The following COL9A2 variants were observed in gnomAD, a reference collection of about 807,000 sequenced individuals.
COL9A2 encodes the protein collagen type IX alpha 2 chain.
In COL9A2, 66 loss-of-function variants were observed where a neutral mutation model predicts 111.6. The ratio of observed to expected loss-of-function variants is 0.59; its 90% CI spans 0.48 to 0.73. The LOEUF is 0.73. COL9A2 is among the 30% of genes least tolerant of loss of function. The pLI is 0.00. For synonymous variants in COL9A2, 353 were observed against 364.1 expected, an observed-to-expected ratio of 0.97 and a Z score of 0.35; for missense variants, 881 against 954.1, an observed-to-expected ratio of 0.92 and a Z score of 1.01.
At position 40,301,883 on chromosome 1, in the gene COL9A2, C is replaced by T. The variant is rs775570119; in HGVS notation, c.1799G>A (p.Arg600His). ...QIGNTGPKGKRGEKGDPGEVG... is the reference protein window; with the variant it reads ...QIGNTGPKGKHGEKGDPGEVG... ...TTCTCCTGGATCACCCTTCTCTCCA[C>T]GTTTTCCTGTAGACAAAAAAGGAAA... The change falls in exon 31 of 32, where the codon CGT becomes CAT. Residue 600 changes from arginine (R) to histidine (H), a missense_variant. Coordinates refer to ENST00000372748, the MANE Select transcript of COL9A2 (RefSeq NM_001852.4). The T allele has an allele frequency of 2.4e-5, 39 of 1,613,798 alleles. No individual in the cohort carries two copies. Among genetic ancestry groups the T allele is most frequent in the Admixed American group, 1.0e-4 (6 of 59,992 alleles).
intron 20 of COL9A2, 78 bp downstream of exon 20, chr1:40,306,065 G>T: frequency 1.3e-6 from 2 of 1,544,840 alleles, no homozygotes; most frequent in Non-Finnish European, 1.8e-6. Context: ...CTGAGACTTG[G>T]CTGAGGCCTG....
Position 40,315,630 on chromosome 1 carries a change from G to A in COL9A2, c.110C>T (p.Pro37Leu), listed in dbSNP as rs1358227508. 5.1e-6 allele frequency: 8 copies of A among 1,553,932 alleles called. No homozygotes were observed. The East Asian group carries it at 1.9e-4, about 37-fold the overall frequency. The change falls in exon 2 of 32, where the codon CCC becomes CTC. Residue 37 changes from proline (P) to leucine (L), a missense_variant. Coordinates refer to ENST00000372748, the MANE Select transcript of COL9A2 (RefSeq NM_001852.4). ...GPPGERGPPG[P>L]PGPPGVPGSD... is the part of the protein sequence containing the mutation. ...TCCAGGCACTCCCGGCGGTCCCGGG[G>A]GACCCGGGGGGCCCCGCTCTCCCGG...
At chr1:40,304,426 T>C in intron 23 of COL9A2, 35 bp from the exon 24 acceptor site, 5 of 1,613,086 alleles carry the variant, frequency 3.1e-6, no homozygotes, top group Non-Finnish European at 4.2e-6. Flanking sequence ...ATAAATGGAA[T>C]GAGGGGCCTG....
rs1254478382 is a variant in COL9A2, at chr1:40,310,084, G to A, written c.792+27C>T. 1 of 1,613,896 alleles carries A rather than the reference G, an allele frequency of 6.2e-7. No individual in the cohort carries two copies. The highest frequency in any genetic ancestry group is 1.7e-5 in the Admixed American group (1 of 60,018). On this transcript the variant is annotated intron_variant, in intron 15 of 31. Transcript: ENST00000372748. The surrounding 1 kb of genome is among the most constrained non-coding windows in gnomAD (Gnocchi z 4.9). ...TGTAGCTGTAGGAGCTCCAGCCTCAGGGGTAGGGGAGCAAAAAGAGGCTTA... is the reference window on the plus strand; with the variant it reads ...TGTAGCTGTAGGAGCTCCAGCCTCAAGGGTAGGGGAGCAAAAAGAGGCTTA...
intron 16 of COL9A2, among the ~76,000 whole-genome samples, 151 bp downstream of exon 16, chr1:40,309,785 CTA>C (rs1491554090): frequency 6.6e-6 from 1 of 151,610 alleles, no homozygotes; most frequent in Non-Finnish European, 1.5e-5. Flanking sequence ...TACACACAGT[CTA>C]CACACACACA....
In COL9A2 at chr1:40,314,477, C is replaced by T; in HGVS notation, c.151-90G>A. The T allele has an allele frequency of 7.2e-7, 1 of 1,394,702 alleles. No homozygotes were observed. Among genetic ancestry groups the T allele is most frequent in the Non-Finnish European group, 1.0e-6 (1 of 981,282 alleles). The allele number at this position is 1,394,702 out of a possible 1,614,324, so 86.4% of individuals were successfully genotyped here. On this transcript the variant is annotated intron_variant, in intron 2 of 31. Transcript: ENST00000372748. The surrounding 1 kb of genome is among the most constrained non-coding windows in gnomAD (Gnocchi z 4.1). ...GGCCCTGGCAGGCCGCTCCCAAAGG[C>T]TCTCCTCACTCTCCTCTCTTCTGTC...
chr1:40,312,212 CTT>C lies in COL9A2; in HGVS notation c.364-102_364-101del, dbSNP rs34036643. ...CCCAAAGCCCGTTTCTCCACTTTTACTTTTTTTTTTTTTTTGCCAACCCCAGA... is the reference window on the plus strand; with the variant it reads ...CCCAAAGCCCGTTTCTCCACTTTTACTTTTTTTTTTTTTGCCAACCCCAGA... On this transcript the variant is annotated intron_variant, in intron 7 of 31. Transcript: ENST00000372748. The surrounding 1 kb of genome is among the most constrained non-coding windows in gnomAD (Gnocchi z 6.0). The C allele has an allele frequency of 0.014, 12,169 of 881,878 alleles. No individual in the cohort carries two copies. The highest frequency in any genetic ancestry group is 0.018 in the Middle Eastern group (69 of 3,830). The allele number at this position is 881,878 out of a possible 1,614,324, so 54.6% of individuals were successfully genotyped here.
chr1:40,312,118 G>A lies in COL9A2; in HGVS notation c.364-6C>T. Reference sequence around the variant, plus strand: ...CCAACAGGTCCAGGAGGCCCCTGGGGAGCAGAGAGTTGATGGTCAGGATGC... The same window carrying A: ...CCAACAGGTCCAGGAGGCCCCTGGGAAGCAGAGAGTTGATGGTCAGGATGC... On this transcript the variant is annotated splice_polypyrimidine_tract_variant and splice_region_variant and intron_variant, in intron 7 of 31. Transcript: ENST00000372748. The surrounding 1 kb of genome is among the most constrained non-coding windows in gnomAD (Gnocchi z 6.0). 4.4e-6 allele frequency: 7 copies of A among 1,599,566 alleles called. No homozygotes were observed. Among genetic ancestry groups the A allele is most frequent in the Non-Finnish European group, 5.1e-6 (6 of 1,174,828 alleles).
chr1:40,310,587 T>C lies in COL9A2; in HGVS notation c.684+127A>G, dbSNP rs1644107045. The C allele has an allele frequency of 4.2e-6, 4 of 960,876 alleles. No individual in the cohort carries two copies. Among genetic ancestry groups the C allele is most frequent in the Non-Finnish European group, 4.9e-6 (3 of 609,794 alleles). 59.5% of individuals were successfully genotyped at this position (960,876 alleles called of 1,614,324 possible). On this transcript the variant is annotated intron_variant, in intron 13 of 31. Transcript: ENST00000372748. This position sits in a 1 kb window ranked among gnomAD's most constrained non-coding sequence, Gnocchi z 4.9. ...GACAATTTCAGCCTCCATCTCCCCATCCAGAGATGCTCCCAGCTAGACACA... is the reference window on the plus strand; with the variant it reads ...GACAATTTCAGCCTCCATCTCCCCACCCAGAGATGCTCCCAGCTAGACACA...
Position 40,302,824 on chromosome 1 carries a change from G to A in COL9A2, c.1604-15C>T, listed in dbSNP as rs1288344325. Reference sequence around the variant, plus strand: ...TGCCAGTTGCTCTGGAGGGAGGGAGGGAGGGAGGGAGAGGGAAGTCTATGA... The same window carrying A: ...TGCCAGTTGCTCTGGAGGGAGGGAGAGAGGGAGGGAGAGGGAAGTCTATGA... On this transcript the variant is annotated splice_polypyrimidine_tract_variant and intron_variant, in intron 29 of 31. Transcript: ENST00000372748. This position sits in a 1 kb window ranked among gnomAD's most constrained non-coding sequence, Gnocchi z 4.5. The A allele has an allele frequency of 2.0e-6, 3 of 1,519,102 alleles. No homozygotes were observed. Among genetic ancestry groups the A allele is most frequent in the Non-Finnish European group, 2.7e-6 (3 of 1,123,858 alleles). 94.1% of individuals were successfully genotyped at this position (1,519,102 alleles called of 1,614,324 possible).
chr1:40,311,997 C>T lies in COL9A2; in HGVS notation c.417+62G>A. On this transcript the variant is annotated intron_variant, in intron 8 of 31. Coordinates refer to ENST00000372748, the MANE Select transcript of COL9A2 (RefSeq NM_001852.4). The surrounding 1 kb of genome is among the most constrained non-coding windows in gnomAD (Gnocchi z 5.1). Reference sequence around the variant, plus strand: ...GCCCAGGAACTTCCAGAAAGACCACCCAGCTTGCCAGCTTGGAGATAGAAG... The same window carrying T: ...GCCCAGGAACTTCCAGAAAGACCACTCAGCTTGCCAGCTTGGAGATAGAAG... 5.2e-6 allele frequency: 8 copies of T among 1,532,200 alleles called. No homozygotes were observed. Among genetic ancestry groups the T allele is most frequent in the South Asian group, 4.7e-5 (4 of 84,772 alleles). 94.9% of individuals were successfully genotyped at this position (1,532,200 alleles called of 1,614,324 possible). A position where few individuals can be genotyped will look rare whatever the true frequency, so the allele number is the denominator to read the frequency against.
In COL9A2 at chr1:40,303,478, C is replaced by T; in HGVS notation, c.1548+52G>A. On this transcript the variant is annotated intron_variant, in intron 28 of 31. Coordinates refer to ENST00000372748, the MANE Select transcript of COL9A2 (RefSeq NM_001852.4). This position sits in a 1 kb window ranked among gnomAD's most constrained non-coding sequence, Gnocchi z 4.6. ...TAGCCTTTGGCGGGTAAGCCGCACC[C>T]CAGAACAGATCTACCTAGAAGAAGC... The T allele has an allele frequency of 6.2e-7, 1 of 1,609,934 alleles. No individual in the cohort carries two copies. The highest frequency in any genetic ancestry group is 8.5e-7 in the Non-Finnish European group (1 of 1,178,474).
chr1:40,309,840 C>T, intron 16 of COL9A2, 98 bp downstream of exon 16: 5 of 1,172,476 alleles, frequency 4.3e-6, no homozygotes, highest in Non-Finnish European at 5.1e-6. Flanking sequence ...CTCACGCACA[C>T]ACTCATGCAC....
Position 40,303,808 on chromosome 1 carries a change from T to C in COL9A2, c.1400A>G (p.Gln467Arg), listed in dbSNP as rs373264436. 2.6e-4 allele frequency: 410 copies of C among 1,564,664 alleles called. 4 individuals carry two copies. Among genetic ancestry groups the C allele is most frequent in the Admixed American group, 2.1e-4 (11 of 52,148 alleles). ...GAACGCCGGGAGGGGAGGACTCACC[T>C]GTCCCTTGGGCCCCGGCTCGCCGGA... The part of the protein sequence containing the change: ...GESGEPGPKG[Q>R]QGVRGEPGYP... Residue 467 changes from glutamine to arginine, a missense_variant and splice_region_variant, in exon 27 of 32, where the codon CAG becomes CGG. Gln to Arg is a conservative substitution (Grantham distance 43, BLOSUM62 1). Coordinates refer to ENST00000372748, the MANE Select transcript of COL9A2 (RefSeq NM_001852.4). This position sits in a 1 kb window ranked among gnomAD's most constrained non-coding sequence, Gnocchi z 4.6.
chr1:40,311,852 T>G lies in COL9A2; in HGVS notation c.418-137A>C. 9.3e-7 allele frequency: 1 copy of G among 1,070,378 alleles called. No individual in the cohort carries two copies. The highest frequency in any genetic ancestry group is 1.3e-5 in the South Asian group (1 of 76,976). 66.3% of individuals were successfully genotyped at this position (1,070,378 alleles called of 1,614,324 possible). A position where few individuals can be genotyped will look rare whatever the true frequency, so the allele number is the denominator to read the frequency against. Reference sequence around the variant, plus strand: ...TTGTGAGATCCACCATCTTGGGAGATGAAGGCCTGATTGACAGGGGATGGG... The same window carrying G: ...TTGTGAGATCCACCATCTTGGGAGAGGAAGGCCTGATTGACAGGGGATGGG... On this transcript the variant is annotated intron_variant, in intron 8 of 31. Coordinates refer to ENST00000372748, the MANE Select transcript of COL9A2 (RefSeq NM_001852.4). This position sits in a 1 kb window ranked among gnomAD's most constrained non-coding sequence, Gnocchi z 5.1.
chr1:40,306,687 A>G (rs1644035195), intron 19 of COL9A2, among the ~76,000 whole-genome samples: 1 of 152,144 alleles, frequency 6.6e-6, no homozygotes, highest in Non-Finnish European at 1.5e-5. Flanking sequence ...AAGGGAAAGG[A>G]CAGAGAGGGG....
chr1:40,308,290 CCT>C (rs759800276), intron 16 of COL9A2, 45 bp from the exon 17 acceptor site: 39 of 1,591,540 alleles, frequency 2.5e-5, no homozygotes, highest in South Asian at 2.4e-4. Context: ...ATGTTGGGCC[CCT>C]GTCTGGCTGT....
In COL9A2 at chr1:40,317,017, T is replaced by C; in HGVS notation, c.75+106A>G. ...CGCGGCGCTGTCCTCAGGTGGCCTCTCGGGCTAGGGGTGTCAGTAGGCGCG... is the reference window on the plus strand; with the variant it reads ...CGCGGCGCTGTCCTCAGGTGGCCTCCCGGGCTAGGGGTGTCAGTAGGCGCG... On this transcript the variant is annotated intron_variant, in intron 1 of 31. Coordinates refer to ENST00000372748, the MANE Select transcript of COL9A2 (RefSeq NM_001852.4). The surrounding 1 kb of genome is among the most constrained non-coding windows in gnomAD (Gnocchi z 4.3). 8.4e-7 allele frequency: 1 copy of C among 1,194,364 alleles called. No homozygotes were observed. The highest frequency in any genetic ancestry group is 2.0e-5 in the Admixed American group (1 of 50,488). 74.0% of individuals were successfully genotyped at this position (1,194,364 alleles called of 1,614,324 possible).
At position 40,314,232 on chromosome 1, in the gene COL9A2, A is replaced by G. The variant is rs143528915; in HGVS notation, c.222T>C (p.Asp74=). 9 of 1,614,096 alleles carry G rather than the reference A, an allele frequency of 5.6e-6. No individual in the cohort carries two copies. The highest frequency in any genetic ancestry group is 4.5e-5 in the East Asian group (2 of 44,894). ...CAATCCCGGGCTTCCCGTCTGGCCC[A>G]TCTGGCCCAGCTTTGCCAGGCTCGC... ...PKGEPGKAGP[D]GPDGKPGIDG... The change falls in exon 4 of 32, where the codon GAT becomes GAC. Residue 74 remains aspartate, a synonymous_variant. Transcript: ENST00000372748. The surrounding 1 kb of genome is among the most constrained non-coding windows in gnomAD (Gnocchi z 4.1).
Sources: allele counts gnomAD v4.1 joint callset (sites outside exome capture counted in the v4.1 genomes callset), GRCh38; gene constraint gnomAD v4.1.1; non-coding constraint Gnocchi (gnomAD v3.1); transcripts MANE v1.5; gene names NCBI Gene and HGNC (gene_info 2026-07-23, HGNC 2026-07-21).